PMS1: variants seen among roughly 807,000 people sequenced by gnomAD.
The protein encoded by PMS1 is PMS1 protein homolog 1.
Under a neutral mutation model 93.1 loss-of-function variants are expected in PMS1, and 79 were observed. That is an observed-to-expected ratio of 0.85 (90% CI 0.71 to 1.02). The LOEUF is 1.02. Among genes scored for constraint, PMS1 ranks in the 50% least tolerant of loss-of-function variants. The probability of loss-of-function intolerance (pLI) is 0.00; values close to 1 mark genes in which losing one functional copy is unlikely to be tolerated. For synonymous variants in PMS1, 335 were observed against 363.4 expected (o/e 0.92, Z 0.89); for missense variants, 1,064 against 1,085.3 (o/e 0.98, Z 0.28).
In PMS1 at chr2:189,819,906, C is replaced by T. The variant is rs185423662; in HGVS notation, c.582+1726C>T. On this transcript the variant is annotated intron_variant, in intron 5 of 12. Transcript: ENST00000441310. ...GCTTTCTTTCCATTTTTCAAAGCGC[C>T]GATAAGAGAAGGTAGTCATCTTGTT... 8.5e-5 allele frequency among the ~76,000 whole-genome samples: 13 copies of T among 152,078 alleles called. No homozygotes were observed. The East Asian group carries it at 1.5e-3, about 18-fold the overall frequency.
At chr2:189,846,458 G>A (rs1012421589) in intron 6 of PMS1, among the ~76,000 whole-genome samples, 1 of 151,722 alleles carries the variant, frequency 6.6e-6, no homozygotes, top group Admixed American at 6.6e-5. Flanking sequence ...AGGTTGCATT[G>A]AGCCCAGATC....
At chr2:189,852,841 G>A (rs1171377868) in intron 7 of PMS1, 64 bp downstream of exon 7, 7 of 1,024,800 alleles carry the variant, frequency 6.8e-6, no homozygotes, top group Non-Finnish European at 1.1e-5. Flanking sequence ...AACAAGGACT[G>A]CTTCCAAGAA....
intron 6 of PMS1, among the ~76,000 whole-genome samples, chr2:189,847,754 A>C (rs111288761): frequency 1.9e-4 from 29 of 152,214 alleles, no homozygotes; most frequent in Non-Finnish European, 3.8e-4. Flanking sequence ...TTGAGTGTTG[A>C]GTAATTAAGG....
At chr2:189,876,002 A>G (rs898267531) in intron 12 of PMS1, among the ~76,000 whole-genome samples, 1 of 150,566 alleles carries the variant, frequency 6.6e-6, no homozygotes, top group Non-Finnish European at 1.5e-5. Flanking sequence ...ATGTTCCCCA[A>G]AAGGCAAGAG....
chr2:189,867,841 G>C lies in PMS1; in HGVS notation c.2385G>C (p.Met795Ile). Residue 795 changes from methionine (M) to isoleucine (I), a missense_variant, in exon 11 of 13, where the codon ATG (methionine) becomes ATC (isoleucine). By Grantham distance (10) the Met-to-Ile change is conservative (BLOSUM62 1). Coordinates refer to ENST00000441310, the MANE Select transcript of PMS1 (RefSeq NM_000534.5). ...GSHYLDVLYKMTADDQRYSGS... is the reference protein window; with the variant it reads ...GSHYLDVLYKITADDQRYSGS... Reference sequence around the variant, plus strand: ...ATTATTTAGACGTTTTATATAAAATGACAGCAGATGACCAAAGATACAGTG... The same window carrying C: ...ATTATTTAGACGTTTTATATAAAATCACAGCAGATGACCAAAGATACAGTG... 6.3e-7 allele frequency: 1 copy of C among 1,576,920 alleles called. No individual in the cohort carries two copies. Among genetic ancestry groups the C allele is most frequent in the Non-Finnish European group, 8.7e-7 (1 of 1,146,252 alleles).
intron 4 of PMS1, chr2:189,806,076 T>A: frequency 3.5e-6 from 2 of 565,188 alleles, no homozygotes; most frequent in Non-Finnish European, 2.8e-6. Context: ...TAAAATTTTA[T>A]TGAAACATAT....
At chr2:189,853,855 A>T in intron 7 of PMS1, 84 bp from the exon 8 acceptor site, 1 of 846,786 alleles carries the variant, frequency 1.2e-6, no homozygotes, top group Non-Finnish European at 1.8e-6. Context: ...GCATCTACTC[A>T]ATTTCTCAGT....
chr2:189,832,099 G>T (rs2052999100), intron 5 of PMS1, among the ~76,000 whole-genome samples: 1 of 152,176 alleles, frequency 6.6e-6, no homozygotes, highest in South Asian at 2.1e-4. Context: ...AAAATAGGTT[G>T]TATGGGAAGG....
chr2:189,844,245 C>A (rs983201256), intron 6 of PMS1, among the ~76,000 whole-genome samples, 165 bp downstream of exon 6: 1 of 152,152 alleles, frequency 6.6e-6, no homozygotes, highest in Non-Finnish European at 1.5e-5. Flanking sequence ...AAACCTCTTT[C>A]CCCAGCCCTG....
chr2:189,790,715 A>T (rs1489661541), intron 1 of PMS1, among the ~76,000 whole-genome samples: 1 of 152,204 alleles, frequency 6.6e-6, no homozygotes, highest in Non-Finnish European at 1.5e-5. Context: ...TGCTGTTCTT[A>T]TTGTAATCAT....
At chr2:189,816,597 A>G (rs1025763183) in intron 4 of PMS1, among the ~76,000 whole-genome samples, 2 of 152,148 alleles carry the variant, frequency 1.3e-5, no homozygotes, top group Admixed American at 1.3e-4. Context: ...TTCTTCTAGT[A>G]TTTATTTAAT....
intron 5 of PMS1, 89 bp downstream of exon 5, chr2:189,818,269 C>A: frequency 1.1e-6 from 1 of 878,114 alleles, no homozygotes; most frequent in Non-Finnish European, 1.8e-6. Context: ...TGGGCTATGA[C>A]TAAATGTTTG....
intron 11 of PMS1, among the ~76,000 whole-genome samples, chr2:189,870,199 T>C (rs1156418485): frequency 6.6e-6 from 1 of 152,196 alleles, no homozygotes; most frequent in Non-Finnish European, 1.5e-5. Flanking sequence ...TTCTTAACAG[T>C]TCTGTCTTGT....
intron 4 of PMS1, chr2:189,807,036 T>C (rs1461639903): frequency 1.6e-5 from 3 of 184,766 alleles, no homozygotes; most frequent in African/African-American, 7.0e-5. Flanking sequence ...TATTAAATTA[T>C]TGGATTCTTT....
intron 4 of PMS1, among the ~76,000 whole-genome samples, chr2:189,808,148 T>G (rs5743024): frequency 6.6e-6 from 1 of 152,072 alleles, no homozygotes; most frequent in East Asian, 1.9e-4. Flanking sequence ...TACCTGTACA[T>G]GTAGGGTTCT....
chr2:189,855,912 T>C, intron 9 of PMS1: 1 of 944,308 alleles, frequency 1.1e-6, no homozygotes, highest in East Asian at 9.1e-5. Context: ...TCCAATCATA[T>C]ACAGGTATCT....
intron 3 of PMS1, among the ~76,000 whole-genome samples, chr2:189,801,501 C>T (rs1246904142): frequency 6.6e-6 from 1 of 151,998 alleles, no homozygotes; most frequent in Non-Finnish European, 1.5e-5. Flanking sequence ...AAATATTTTT[C>T]TTTTTAGGTT....
chr2:189,813,872 A>C lies in PMS1; in HGVS notation c.419-4145A>C, dbSNP rs5743031. On this transcript the variant is annotated intron_variant, in intron 4 of 12. Transcript: ENST00000441310. ...TTTTTTTCTTTTTTAGAGATTTATA[A>C]AAGTATGGTGCTGCTTACAACTTCC... Among the ~76,000 whole-genome samples, 226 of 152,318 alleles carry C rather than the reference A, an allele frequency of 1.5e-3. 1 individual carries two copies. The highest frequency in any genetic ancestry group is 5.3e-3 in the African/African-American group (219 of 41,576).
chr2:189,795,778 G>T lies in PMS1; in HGVS notation c.142G>T (p.Gly48Ter). Residue 48 changes from glycine to a stop codon, truncating the protein, a stop_gained, in exon 3 of 13, where the codon GGA (glycine) becomes TGA (stop). Transcript: ENST00000441310. LOFTEE classifies it high-confidence loss of function. ...TSVDVKLENYGFDKIEVRDNG... is the reference protein window; with the variant it reads ...TSVDVKLENY ...TTTTGACATTTTATAGGAGAACTAT[G>T]GATTTGATAAAATTGAGGTGCGAGA... 1 of 1,612,950 alleles carries T rather than the reference G, an allele frequency of 6.2e-7. No individual in the cohort carries two copies. The highest frequency in any genetic ancestry group is 1.1e-5 in the South Asian group (1 of 91,058).
Sources: allele counts gnomAD v4.1 joint callset (sites outside exome capture counted in the v4.1 genomes callset), GRCh38; gene constraint gnomAD v4.1.1; transcripts MANE v1.5; gene names NCBI Gene and HGNC (gene_info 2026-07-23, HGNC 2026-07-21).